CEP170: variants seen among roughly 807,000 people sequenced by gnomAD.
The protein encoded by CEP170 is centrosomal protein 170, also known as centrosomal protein of 170 kDa.
Under a neutral mutation model 151.9 loss-of-function variants are expected in CEP170, and 21 were observed. The observed-to-expected ratio is 0.14, with a 90% CI of 0.10 to 0.20. The LOEUF (loss-of-function observed/expected upper bound fraction) is 0.20, where lower values mean the gene tolerates loss of function less well. CEP170 is among the 10% of genes least tolerant of loss of function. The probability of loss-of-function intolerance (pLI) is 1.00; values close to 1 mark genes in which losing one functional copy is unlikely to be tolerated. For synonymous variants in CEP170, 356 were observed against 648.8 expected, an observed-to-expected ratio of 0.55 and a Z score of 6.86; for missense variants, 964 against 1,892.9, an observed-to-expected ratio of 0.51 and a Z score of 9.11.
Position 243,154,555 on chromosome 1 carries a change from T to C in CEP170, c.3911+1666A>G, listed in dbSNP as rs182515899. Among the ~76,000 whole-genome samples the C allele has an allele frequency of 4.6e-5, 7 of 152,320 alleles. No individual in the cohort carries two copies. In the East Asian group the frequency reaches 1.4e-3, roughly 29 times the overall value. On this transcript the variant is annotated intron_variant, in intron 14 of 19. Coordinates refer to ENST00000366542, the MANE Select transcript of CEP170 (RefSeq NM_014812.3). ...GGCTTTGAGATATATAGCTAGAAAG[T>C]ATAACTTGAAAAATTAAAATCCCAA...
At chr1:243,254,223 A>AAATAAAT (rs2066289871) in intron 1 of CEP170, 1 of 139,952 alleles carries the variant, frequency 7.1e-6, no homozygotes, top group African/African-American at 3.2e-5. Context: ...AATAAATAAA[A>AAATAAAT]CTCTACGAAA....
At chr1:243,129,021 A>G (rs767486144) in intron 18 of CEP170, among the ~76,000 whole-genome samples, 147 of 152,238 alleles carry the variant, frequency 9.7e-4, no homozygotes, top group Non-Finnish European at 1.8e-3. Context: ...AAAAGAAGAT[A>G]AGCATTATAT....
chr1:243,200,985 G>T (rs1165596724), intron 4 of CEP170, 150 bp from the exon 5 acceptor site: 5 of 625,942 alleles, frequency 8.0e-6, no homozygotes, highest in African/African-American at 1.9e-5. Context: ...ATTAAAATAT[G>T]GTCACCAATG....
intron 3 of CEP170, among the ~76,000 whole-genome samples, chr1:243,217,648 T>C (rs905666669): frequency 5.3e-5 from 8 of 152,118 alleles, no homozygotes; most frequent in Admixed American, 3.9e-4. Flanking sequence ...TGTGAGGAAA[T>C]AGTCTCCTGA....
intron 10 of CEP170, among the ~76,000 whole-genome samples, chr1:243,183,360 C>T (rs2059751681): frequency 1.3e-5 from 2 of 152,124 alleles, no homozygotes; most frequent in African/African-American, 4.8e-5. Context: ...CAACTTCAAT[C>T]CCACACACCC....
At chr1:243,149,259 T>A (rs2056835564) in intron 14 of CEP170, among the ~76,000 whole-genome samples, 1 of 152,238 alleles carries the variant, frequency 6.6e-6, no homozygotes, top group Non-Finnish European at 1.5e-5. Context: ...TTTAAAGGTT[T>A]TAGCAAACCT....
intron 1 of CEP170, among the ~76,000 whole-genome samples, chr1:243,237,586 T>C (rs189929526): frequency 6.6e-6 from 1 of 152,322 alleles, no homozygotes; most frequent in Non-Finnish European, 1.5e-5. Context: ...TAAAGTGCTT[T>C]GTATTTTAAT....
chr1:243,190,439 T>C (rs1276109065), intron 8 of CEP170, among the ~76,000 whole-genome samples: 1 of 152,164 alleles, frequency 6.6e-6, no homozygotes, highest in African/African-American at 2.4e-5. Flanking sequence ...CATTCAACTC[T>C]AATTTTCATG....
intron 10 of CEP170, among the ~76,000 whole-genome samples, chr1:243,173,185 C>T (rs572202710): frequency 2.1e-4 from 32 of 151,894 alleles, no homozygotes; most frequent in Non-Finnish European, 3.4e-4. Flanking sequence ...CTCAGCTTCC[C>T]GAGTGGCTGG....
rs74150941 is a variant in CEP170, at chr1:243,142,960, G to A, written c.3912-497C>T. On this transcript the variant is annotated intron_variant, in intron 14 of 19. Transcript: ENST00000366542. ...ATAGAGATCACATTACAGTTGCTAC[G>A]GGTATATTTAAACATCATTTATGGT... Among the ~76,000 whole-genome samples the A allele has an allele frequency of 3.9e-3, 587 of 152,166 alleles. 3 individuals carry two copies. Among genetic ancestry groups the A allele is most frequent in the African/African-American group, 0.013 (539 of 41,514 alleles).
chr1:243,212,688 T>TTATC (rs1553383612), intron 3 of CEP170, among the ~76,000 whole-genome samples: 2 of 149,802 alleles, frequency 1.3e-5, no homozygotes, highest in African/African-American at 4.9e-5. Context: ...ATTTTCTTTC[T>TTATC]TCTCTCTCTC....
intron 19 of CEP170, among the ~76,000 whole-genome samples, chr1:243,127,501 C>T (rs1204450029): frequency 6.6e-6 from 1 of 152,166 alleles, no homozygotes; most frequent in Non-Finnish European, 1.5e-5. Flanking sequence ...AGTATACCCC[C>T]AGTCTACCAG....
At chr1:243,247,410 G>C (rs1240471248) in intron 1 of CEP170, among the ~76,000 whole-genome samples, 1 of 152,192 alleles carries the variant, frequency 6.6e-6, no homozygotes, top group African/African-American at 2.4e-5. Context: ...CTGGAGTACA[G>C]TGACGTGATC....
intron 19 of CEP170, among the ~76,000 whole-genome samples, chr1:243,127,969 T>C (rs2053900706): frequency 1.3e-5 from 2 of 152,340 alleles, no homozygotes; most frequent in East Asian, 3.9e-4. Context: ...ATTATTTATA[T>C]GTAATACATA....
At chr1:243,250,033 T>C (rs925826857) in intron 1 of CEP170, among the ~76,000 whole-genome samples, 1 of 152,102 alleles carries the variant, frequency 6.6e-6, no homozygotes, top group Admixed American at 6.6e-5. Context: ...ACTGAGCCAC[T>C]GCACTCCAGC....
chr1:243,250,642 T>C (rs1465956717), intron 1 of CEP170, among the ~76,000 whole-genome samples: 1 of 152,230 alleles, frequency 6.6e-6, no homozygotes, highest in East Asian at 1.9e-4. Flanking sequence ...CATTACTTAA[T>C]AGGTGTTACT....
At chr1:243,173,129 C>T (rs533736091) in intron 10 of CEP170, among the ~76,000 whole-genome samples, 3 of 151,568 alleles carry the variant, frequency 2.0e-5, no homozygotes, top group African/African-American at 4.8e-5. Flanking sequence ...GGCGTGATCT[C>T]GGCTCACCGC....
intron 19 of CEP170, among the ~76,000 whole-genome samples, chr1:243,127,613 T>C (rs1451845708): frequency 6.6e-6 from 1 of 152,124 alleles, no homozygotes; most frequent in Non-Finnish European, 1.5e-5. Flanking sequence ...TTTGATAGGA[T>C]CCACATAAGT....
chr1:243,178,911 G>T (rs2059435929), intron 10 of CEP170, among the ~76,000 whole-genome samples: 1 of 151,976 alleles, frequency 6.6e-6, no homozygotes, highest in Non-Finnish European at 1.5e-5. Flanking sequence ...GTAGAGAGGG[G>T]GTTTCACCGT....
Sources: allele counts gnomAD v4.1 joint callset (sites outside exome capture counted in the v4.1 genomes callset), GRCh38; gene constraint gnomAD v4.1.1; transcripts MANE v1.5; gene names NCBI Gene and HGNC (gene_info 2026-07-23, HGNC 2026-07-21).